RTN1: variants seen among roughly 807,000 people sequenced by gnomAD.
The protein encoded by RTN1 is reticulon-1.
Under a neutral mutation model 65.5 loss-of-function variants are expected in RTN1, and 25 were observed. That is an observed-to-expected ratio of 0.38 (90% confidence interval 0.28 to 0.53). The LOEUF is 0.53. RTN1 is among the 20% of genes least tolerant of loss of function. The pLI, the probability that RTN1 is intolerant of heterozygous loss-of-function variation, is 0.79. For synonymous variants in RTN1, 471 were observed against 447.6 expected (o/e 1.05, Z -0.66); for missense variants, 983 against 1,025.4 (o/e 0.96, Z 0.57).
chr14:59,615,605 T>C (rs1376918127), intron 3 of RTN1, among the ~76,000 whole-genome samples: 2 of 152,210 alleles, frequency 1.3e-5, no homozygotes, highest in African/African-American at 4.8e-5. Flanking sequence ...TGTGAAAATC[T>C]TACCCTATGG....
rs1055798666 is a variant in RTN1, at chr14:59,803,230, G to A, written c.242-56749C>T. ...TGATTAGACAGGGAGAGTTGGTTCC[G>A]TACACAACACCGAGCTGCGTATGAC... On this transcript the variant is annotated intron_variant, in intron 1 of 8. Transcript: ENST00000267484. This position sits in a 1 kb window ranked among gnomAD's most constrained non-coding sequence, Gnocchi z 5.6. 1.3e-4 allele frequency among the ~76,000 whole-genome samples: 20 copies of A among 152,148 alleles called. No homozygotes were observed. Among genetic ancestry groups the A allele is most frequent in the African/African-American group, 3.9e-4 (16 of 41,428 alleles).
chr14:59,635,803 A>G (rs950379485), intron 3 of RTN1, among the ~76,000 whole-genome samples: 1 of 152,244 alleles, frequency 6.6e-6, no homozygotes, highest in African/African-American at 2.4e-5. Context: ...CTCACTTAAC[A>G]TCGTTGATAG....
chr14:59,859,155 A>T (rs1382026954), intron 1 of RTN1, among the ~76,000 whole-genome samples: 1 of 152,198 alleles, frequency 6.6e-6, no homozygotes, highest in African/African-American at 2.4e-5. Flanking sequence ...TTTGAGAAAT[A>T]TGGAATAATT....
At chr14:59,663,533 G>C (rs1883296851) in intron 3 of RTN1, among the ~76,000 whole-genome samples, 1 of 152,076 alleles carries the variant, frequency 6.6e-6, no homozygotes, top group African/African-American at 2.4e-5. Context: ...ACTATCATCA[G>C]TGTGAACAGG....
At chr14:59,847,161 GTA>G (rs1887425167) in intron 1 of RTN1, among the ~76,000 whole-genome samples, 1 of 152,122 alleles carries the variant, frequency 6.6e-6, no homozygotes, top group Admixed American at 6.5e-5. Context: ...TGTAGATCAT[GTA>G]CATACTTCTA....
chr14:59,815,496 T>C (rs559949721), intron 1 of RTN1, among the ~76,000 whole-genome samples: 31 of 152,328 alleles, frequency 2.0e-4, no homozygotes, highest in Non-Finnish European at 3.5e-4. Flanking sequence ...CTCTAGTGCT[T>C]TCTCTTCACA....
chr14:59,817,708 C>T (rs1392304937), intron 1 of RTN1, among the ~76,000 whole-genome samples: 1 of 151,958 alleles, frequency 6.6e-6, no homozygotes, highest in Non-Finnish European at 1.5e-5. Flanking sequence ...ACTCTTGGAC[C>T]ACCCTGCCAC....
At chr14:59,663,688 A>C (rs1883301590) in intron 3 of RTN1, among the ~76,000 whole-genome samples, 1 of 152,202 alleles carries the variant, frequency 6.6e-6, no homozygotes, top group Non-Finnish European at 1.5e-5. Flanking sequence ...ACACTTCTCA[A>C]TAGAAGACAT....
intron 1 of RTN1, among the ~76,000 whole-genome samples, chr14:59,782,610 T>C (rs1157185635): frequency 6.6e-6 from 1 of 152,190 alleles, no homozygotes; most frequent in Non-Finnish European, 1.5e-5. Context: ...ACCTAATTAA[T>C]TATTAAGAGC....
intron 3 of RTN1, among the ~76,000 whole-genome samples, chr14:59,706,196 A>G (rs1341633342): frequency 1.3e-5 from 2 of 152,148 alleles, no homozygotes; most frequent in African/African-American, 2.4e-5. Flanking sequence ...TTGCAGTATC[A>G]TTCTGCCCCT....
intron 4 of RTN1, 23 bp from the exon 5 acceptor site, chr14:59,605,529 G>A (rs371456922): frequency 1.1e-5 from 17 of 1,612,210 alleles, no homozygotes; most frequent in Non-Finnish European, 1.4e-5. Flanking sequence ...CATTCCCACA[G>A]AAAATTCCGT....
intron 3 of RTN1, among the ~76,000 whole-genome samples, chr14:59,643,178 G>T (rs150959227): frequency 6.6e-6 from 1 of 152,310 alleles, no homozygotes; most frequent in Non-Finnish European, 1.5e-5. Context: ...GGAGGCCAAA[G>T]TGGGAAGACT....
Position 59,756,841 on chromosome 14 carries a change from G to T in RTN1, c.242-10360C>A, listed in dbSNP as rs867281656. Among the ~76,000 whole-genome samples the T allele has an allele frequency of 8.2e-3, 821 of 100,544 alleles. 9 individuals carry two copies. The highest frequency in any genetic ancestry group is 0.032 in the African/African-American group (764 of 24,096). The allele number at this position is 100,544 out of a possible 152,430, so 66.0% of individuals were successfully genotyped here. On this transcript the variant is annotated intron_variant, in intron 1 of 8. Transcript: ENST00000267484. ...CACAGTCTCCATAATTCTTTTTTTT[G>T]TTTTTTTTTTTTTGTCTCTGTTGCC...
Position 59,746,712 on chromosome 14 carries a change from C to T in RTN1, c.242-231G>A, listed in dbSNP as rs547284381. ...AACAGACCCCAGAGGCTCACATAAA[C>T]TGCCAGGACCAGATAAGTTGGGGAC... On this transcript the variant is annotated intron_variant, in intron 1 of 8. Transcript: ENST00000267484. 7.2e-5 allele frequency among the ~76,000 whole-genome samples: 11 copies of T among 152,302 alleles called. No individual in the cohort carries two copies. In the East Asian group the frequency reaches 1.9e-3, roughly 27 times the overall value.
chr14:59,620,570 C>T (rs73307690), intron 3 of RTN1, among the ~76,000 whole-genome samples: 4,258 of 152,188 alleles, frequency 0.028, 120 homozygotes, highest in African/African-American at 0.069. Flanking sequence ...ATAATCAAAA[C>T]GAATTTTACC....
intron 1 of RTN1, among the ~76,000 whole-genome samples, chr14:59,780,736 C>T (rs1886139528): frequency 6.6e-6 from 1 of 152,120 alleles, no homozygotes. Flanking sequence ...TGTGGATTGC[C>T]ACAACATAAG....
chr14:59,772,860 T>C (rs978817618), intron 1 of RTN1, among the ~76,000 whole-genome samples: 1 of 152,056 alleles, frequency 6.6e-6, no homozygotes, highest in Non-Finnish European at 1.5e-5. Flanking sequence ...TTAGAAAAAA[T>C]TAAATGATGT....
intron 3 of RTN1, among the ~76,000 whole-genome samples, chr14:59,642,690 ATTC>A (rs1200547397): frequency 6.6e-6 from 1 of 152,086 alleles, no homozygotes; most frequent in Non-Finnish European, 1.5e-5. Flanking sequence ...CTCTGTTGAA[ATTC>A]TTCATCTTTT....
intron 3 of RTN1, among the ~76,000 whole-genome samples, chr14:59,661,989 T>C (rs1432970427): frequency 6.6e-6 from 1 of 152,182 alleles, no homozygotes; most frequent in Non-Finnish European, 1.5e-5. Flanking sequence ...CATGATTGTA[T>C]ATTTAGAAAA....
Sources: gnomAD v4.1 joint callset for allele counts (sites outside exome capture counted in the v4.1 genomes callset) on GRCh38, gnomAD v4.1.1 for gene constraint, Gnocchi (gnomAD v3.1) non-coding constraint, MANE v1.5 for transcripts, NCBI Gene and HGNC (gene_info 2026-07-23, HGNC 2026-07-21) for gene names.